The following GATAD1 variants were observed in gnomAD, a reference collection of about 807,000 sequenced individuals.
GATAD1 encodes GATA zinc finger domain containing 1.
A neutral mutation model predicts 26.5 loss-of-function variants in GATAD1; 12 were observed. The ratio of observed to expected loss-of-function variants is 0.45; its 90% CI spans 0.29 to 0.73. The LOEUF (loss-of-function observed/expected upper bound fraction) is 0.73. Among genes scored for constraint, GATAD1 ranks in the 30% least tolerant of loss-of-function variants. The pLI is 0.10. For synonymous variants in GATAD1, 129 were observed against 133.1 expected (o/e 0.97, Z 0.21); for missense variants, 266 against 342.1 (o/e 0.78, Z 1.75).
the GATAD1 span, chr7:92,494,607 T>G: frequency 1.2e-6 from 2 of 1,614,042 alleles, no homozygotes; most frequent in Non-Finnish European, 8.5e-7. Flanking sequence ...AAGAAAAGAA[T>G]GCAGGGCTTT....
At chr7:92,462,028 C>T (rs1424192267), downstream of GATAD1, among the ~76,000 whole-genome samples, 1 of 152,180 alleles carries the variant, frequency 6.6e-6, no homozygotes, top group Non-Finnish European at 1.5e-5. Context: ...TGTAAATTAA[C>T]ATAGCTTTTT....
the GATAD1 span, among the ~76,000 whole-genome samples, chr7:92,478,395 T>A: frequency 3.3e-5 from 5 of 152,194 alleles, no homozygotes; most frequent in African/African-American, 1.2e-4. Flanking sequence ...GGATGTTGAA[T>A]GAATTCATCT....
chr7:92,447,695 C>T lies in GATAD1; in HGVS notation c.-35C>T, dbSNP rs1402339095. Reference sequence around the variant, plus strand: ...GGGCTACCGTCCGCCATTCCCGTGTCTCTGCGCCCGCGGGGGCCGCCCGAG... The same window carrying T: ...GGGCTACCGTCCGCCATTCCCGTGTTTCTGCGCCCGCGGGGGCCGCCCGAG... On this transcript the variant is annotated 5_prime_UTR_variant, in exon 1 of 5. Coordinates refer to ENST00000287957, the MANE Select transcript of GATAD1 (RefSeq NM_021167.5). 2 of 1,425,986 alleles carry T rather than the reference C, an allele frequency of 1.4e-6. No individual in the cohort carries two copies. The highest frequency in any genetic ancestry group is 1.5e-5 in the African/African-American group (1 of 66,176). The allele number at this position is 1,425,986 out of a possible 1,614,324, so 88.3% of individuals were successfully genotyped here.
chr7:92,484,949 C>T, the GATAD1 span, among the ~76,000 whole-genome samples: 9 of 148,264 alleles, frequency 6.1e-5, no homozygotes, highest in South Asian at 2.1e-4. Flanking sequence ...AAGGAGTCAG[C>T]GAAGGGAGAT....
rs1189212527 is a variant in GATAD1, at chr7:92,459,371, T to C, written c.*2809T>C. The C allele has an allele frequency of 6.6e-6, 1 of 152,202 alleles. No individual in the cohort carries two copies. Among genetic ancestry groups the C allele is most frequent in the East Asian group, 1.9e-4 (1 of 5,194 alleles). The allele number at this position is 152,202 out of a possible 1,614,324, so 9.4% of individuals were successfully genotyped here. A position where few individuals can be genotyped will look rare whatever the true frequency, so the allele number is the denominator to read the frequency against. ...TAAAAATCTATAAATTGATCATCTG[T>C]TTATAAATTGGCAGATGGTTGTGTA... is the stretch of plus-strand genomic sequence containing the variant. On this transcript the variant is annotated 3_prime_UTR_variant, in exon 5 of 5. Transcript: ENST00000287957.
chr7:92,492,898 T>C, the GATAD1 span: 1 of 1,345,482 alleles, frequency 7.4e-7, no homozygotes, highest in Non-Finnish European at 1.1e-6. Context: ...AATTTTGACA[T>C]TGTACTTCTT....
Position 92,450,816 on chromosome 7 carries a change from C to T in GATAD1, c.435+56C>T, listed in dbSNP as rs375155246. The T allele has an allele frequency of 2.7e-4, 287 of 1,063,418 alleles. 1 individual carries two copies. The African/African-American group carries it at 4.0e-3, about 15-fold the overall frequency. 65.9% of individuals were successfully genotyped at this position (1,063,418 alleles called of 1,614,324 possible). A position where few individuals can be genotyped will look rare whatever the true frequency, so the allele number is the denominator to read the frequency against. ...GTTGGGCCTAGTGGGTAATGTGCCA[C>T]TAAAATGTTGGATTAGTCTAAAGGT... On this transcript the variant is annotated intron_variant, in intron 3 of 4. Transcript: ENST00000287957.
the GATAD1 span, among the ~76,000 whole-genome samples, chr7:92,476,356 A>G: frequency 6.6e-6 from 1 of 152,146 alleles, no homozygotes; most frequent in Non-Finnish European, 1.5e-5. Context: ...GACTGAATGC[A>G]TTTGGTCCAT....
intron 4 of GATAD1, 144 bp downstream of exon 4, chr7:92,454,829 A>T: frequency 1.7e-6 from 1 of 586,506 alleles, no homozygotes; most frequent in Non-Finnish European, 2.9e-6. Context: ...ACTTTCTCAC[A>T]GTTGTGGAGG....
the GATAD1 span, chr7:92,468,941 C>T: frequency 3.0e-5 from 23 of 763,906 alleles, no homozygotes; most frequent in South Asian, 8.1e-5. Flanking sequence ...TTTACAGCTT[C>T]GATTCTGGAA....
the GATAD1 span, chr7:92,490,175 A>G: frequency 9.1e-5 from 44 of 485,918 alleles, no homozygotes; most frequent in Non-Finnish European, 1.3e-4. Context: ...CTTAAATCCA[A>G]CACACTAATG....
chr7:92,480,198 G>A, the GATAD1 span, among the ~76,000 whole-genome samples: 1 of 152,208 alleles, frequency 6.6e-6, no homozygotes, highest in African/African-American at 2.4e-5. Context: ...CTGTATAGAG[G>A]TGGGAAGGCC....
At chr7:92,475,938 G>T in the GATAD1 span, among the ~76,000 whole-genome samples, 2 of 152,224 alleles carry the variant, frequency 1.3e-5, no homozygotes, top group African/African-American at 4.8e-5. Flanking sequence ...AGTGCAAACA[G>T]CTCACACGTT....
chr7:92,486,689 G>A, the GATAD1 span, among the ~76,000 whole-genome samples: 1 of 151,978 alleles, frequency 6.6e-6, no homozygotes, highest in African/African-American at 2.4e-5. Flanking sequence ...AAGAGATGGG[G>A]TCTCACTATG....
chr7:92,484,321 G>C, the GATAD1 span, among the ~76,000 whole-genome samples: 1 of 152,122 alleles, frequency 6.6e-6, no homozygotes, highest in Admixed American at 6.5e-5. Context: ...TAAGTTTAAA[G>C]AGAAAGGTAG....
At chr7:92,476,559 G>GT in the GATAD1 span, among the ~76,000 whole-genome samples, 13 of 152,168 alleles carry the variant, frequency 8.5e-5, no homozygotes, top group East Asian at 2.5e-3. Context: ...AGGGCACACT[G>GT]TTTTTTACTA....
the GATAD1 span, chr7:92,492,929 T>C: frequency 6.3e-7 from 1 of 1,587,392 alleles, no homozygotes; most frequent in South Asian, 1.1e-5. Context: ...TAAAATGTCA[T>C]AACAACTTCC....
intron 2 of GATAD1, 75 bp from the exon 3 acceptor site, chr7:92,450,626 C>A: frequency 1.1e-6 from 1 of 887,756 alleles, no homozygotes; most frequent in Non-Finnish European, 1.8e-6. Flanking sequence ...AATTGCAGAA[C>A]TCTCATAGGG....
rs988632319 is a variant in GATAD1 at position 92,449,064 on chromosome 7, A to G, written c.375+187A>G. On this transcript the variant is annotated intron_variant, in intron 2 of 4. Coordinates refer to ENST00000287957, the MANE Select transcript of GATAD1 (RefSeq NM_021167.5). ...AGGAGGCTCACTGTTTATAAAGTTA[A>G]TAATACTCTTTCCTTTTTGTTTTTT... 1.4e-5 allele frequency: 15 copies of G among 1,039,172 alleles called. No individual in the cohort carries two copies. In the African/African-American group the frequency reaches 1.9e-4, roughly 13 times the overall value. The allele number at this position is 1,039,172 out of a possible 1,614,324, so 64.4% of individuals were successfully genotyped here.
Sources: gnomAD v4.1 joint callset for allele counts (sites outside exome capture counted in the v4.1 genomes callset) on GRCh38, gnomAD v4.1.1 for gene constraint, MANE v1.5 for transcripts, NCBI Gene and HGNC (gene_info 2026-07-23, HGNC 2026-07-21) for gene names.